Variants in DLG2 observed in about 807,000 individuals in gnomAD.
The protein encoded by DLG2 is discs large MAGUK scaffold protein 2, also known as disks large homolog 2.
A neutral mutation model predicts 132.5 loss-of-function variants in DLG2; 45 were observed. The observed-to-expected ratio is 0.34, with a 90% CI of 0.27 to 0.44. The LOEUF is 0.44. Ranked by LOEUF, DLG2 falls within the 20% of genes least tolerant of loss-of-function variation. The pLI is 1.00. For synonymous variants in DLG2, 424 were observed against 419.6 expected (o/e 1.01, Z -0.13); for missense variants, 1,045 against 1,196.9 (o/e 0.87, Z 1.87).
intron 3 of DLG2, among the ~76,000 whole-genome samples, chr11:85,386,006 T>C (rs1179060344): frequency 5.3e-5 from 8 of 152,230 alleles, no homozygotes. Flanking sequence ...ATTAGTCTTT[T>C]AATTGAAAAT....
intron 3 of DLG2, among the ~76,000 whole-genome samples, chr11:85,314,347 G>A (rs980324208): frequency 4.6e-5 from 7 of 151,744 alleles, no homozygotes; most frequent in African/African-American, 9.7e-5. Flanking sequence ...CTGTGGATAG[G>A]GTTAGATGTT....
At chr11:84,531,707 G>C (rs1022379080) in intron 7 of DLG2, among the ~76,000 whole-genome samples, 1 of 152,130 alleles carries the variant, frequency 6.6e-6, no homozygotes, top group African/African-American at 2.4e-5. Context: ...TTAGGACCAT[G>C]GTGTTTTATC....
At chr11:84,185,179 G>T (rs1472557680) in intron 8 of DLG2, among the ~76,000 whole-genome samples, 1 of 152,038 alleles carries the variant, frequency 6.6e-6, no homozygotes, top group Admixed American at 6.5e-5. Flanking sequence ...CCATTTTCAT[G>T]ATATTGATTC....
chr11:83,462,255 A>G (rs1165039659), intron 26 of DLG2, 162 bp from the exon 27 acceptor site: 4 of 569,152 alleles, frequency 7.0e-6, no homozygotes, highest in South Asian at 7.0e-5. Flanking sequence ...TAATTTCAGC[A>G]ACAAGGACTC....
intron 14 of DLG2, among the ~76,000 whole-genome samples, chr11:83,962,649 A>G (rs1336986211): frequency 6.6e-6 from 1 of 152,092 alleles, no homozygotes; most frequent in East Asian, 1.9e-4. Context: ...AAGTCTTAAT[A>G]AATGGCAAAG....
chr11:83,960,074 C>A (rs767671847), intron 14 of DLG2, among the ~76,000 whole-genome samples: 1 of 152,012 alleles, frequency 6.6e-6, no homozygotes, highest in Non-Finnish European at 1.5e-5. Context: ...TTCTTGCTTT[C>A]ATTTTATTCT....
At chr11:84,928,201 A>G (rs71469660) in intron 6 of DLG2, among the ~76,000 whole-genome samples, 1 of 151,980 alleles carries the variant, frequency 6.6e-6, no homozygotes, top group Non-Finnish European at 1.5e-5. Context: ...GGAACTATAT[A>G]ATACCTGATA....
chr11:85,071,607 A>G (rs2065876006), intron 6 of DLG2, among the ~76,000 whole-genome samples: 1 of 151,840 alleles, frequency 6.6e-6, no homozygotes, highest in Non-Finnish European at 1.5e-5. Context: ...GGACATGCCA[A>G]ATCATTGTTA....
chr11:84,749,454 C>A (rs938538799), intron 6 of DLG2, among the ~76,000 whole-genome samples: 3 of 151,990 alleles, frequency 2.0e-5, no homozygotes, highest in African/African-American at 7.3e-5. Context: ...TTTACTGTAC[C>A]TTTTCTATAT....
At chr11:83,919,099 ATGGTTGCCT>A (rs2077417825) in intron 15 of DLG2, among the ~76,000 whole-genome samples, 1 of 152,190 alleles carries the variant, frequency 6.6e-6, no homozygotes, top group East Asian at 1.9e-4. Flanking sequence ...AAGTGTGGAA[ATGGTTGCCT>A]AGGACATCTT....
At chr11:84,888,763 T>G (rs2088796057) in intron 6 of DLG2, among the ~76,000 whole-genome samples, 1 of 152,188 alleles carries the variant, frequency 6.6e-6, no homozygotes, top group Non-Finnish European at 1.5e-5. Context: ...TCTTCCTTCA[T>G]TCTTTCCAGA....
intron 21 of DLG2, among the ~76,000 whole-genome samples, chr11:83,527,274 T>G (rs184667293): frequency 6.6e-5 from 10 of 152,318 alleles, no homozygotes; most frequent in African/African-American, 2.2e-4. Context: ...AAGTGTTACA[T>G]GATGTCAATA....
intron 6 of DLG2, among the ~76,000 whole-genome samples, chr11:84,742,344 T>C (rs193016001): frequency 1.4e-4 from 21 of 152,282 alleles, no homozygotes; most frequent in East Asian, 1.2e-3. Flanking sequence ...CTAAGTCACA[T>C]TGTAGTCTAA....
At chr11:83,911,417 ACTC>A (rs2076016787) in intron 15 of DLG2, among the ~76,000 whole-genome samples, 1 of 151,574 alleles carries the variant, frequency 6.6e-6, no homozygotes, top group East Asian at 1.9e-4. Context: ...ATAATTTTCT[ACTC>A]CTCATGTAAC....
chr11:84,152,547 C>A (rs185965376), intron 9 of DLG2, among the ~76,000 whole-genome samples: 2,835 of 151,864 alleles, frequency 0.019, 72 homozygotes, highest in African/African-American at 0.064. Context: ...CCACCATGCC[C>A]GGCTAATTTT....
At chr11:85,573,809 A>G (rs753634059) in intron 3 of DLG2, among the ~76,000 whole-genome samples, 2 of 152,202 alleles carry the variant, frequency 1.3e-5, no homozygotes, top group Non-Finnish European at 2.9e-5. Flanking sequence ...GATCTTGATA[A>G]ATCAATTCCA....
Position 85,372,185 on chromosome 11 carries a change from T to G in DLG2, c.41-86820A>C, listed in dbSNP as rs1312712916. On this transcript the variant is annotated intron_variant, in intron 3 of 27. Transcript: ENST00000376104. Reference sequence around the variant, plus strand: ...TCAATATTCTAGTTCTGAGCAGTTATCCTGCAAATCCTGCCAGGTGATGGG... The same window carrying G: ...TCAATATTCTAGTTCTGAGCAGTTAGCCTGCAAATCCTGCCAGGTGATGGG... 2.0e-5 allele frequency among the ~76,000 whole-genome samples: 3 copies of G among 152,212 alleles called. No homozygotes were observed. In the East Asian group the frequency reaches 5.8e-4, roughly 29 times the overall value.
intron 18 of DLG2, among the ~76,000 whole-genome samples, chr11:83,762,342 G>A (rs1460739326): frequency 6.6e-6 from 1 of 152,176 alleles, no homozygotes; most frequent in Non-Finnish European, 1.5e-5. Flanking sequence ...GACAGAGCAG[G>A]GAAGACCATG....
intron 3 of DLG2, among the ~76,000 whole-genome samples, chr11:85,552,500 T>C (rs1171257120): frequency 1.3e-5 from 2 of 150,550 alleles, no homozygotes; most frequent in Non-Finnish European, 3.0e-5. Context: ...TTTAGAAAAA[T>C]AAAACAATCT....
Sources: gnomAD v4.1 joint callset for allele counts (sites outside exome capture counted in the v4.1 genomes callset) on GRCh38, gnomAD v4.1.1 for gene constraint, MANE v1.5 for transcripts, NCBI Gene and HGNC (gene_info 2026-07-23, HGNC 2026-07-21) for gene names.